The following ADAMTS3 variants were observed in gnomAD, a reference collection of about 807,000 sequenced individuals.
The protein encoded by ADAMTS3 is A disintegrin and metalloproteinase with thrombospondin motifs 3.
Under a neutral mutation model 129.0 loss-of-function variants are expected in ADAMTS3, and 73 were observed. That is an observed-to-expected ratio of 0.57 (90% CI 0.47 to 0.69). The LOEUF (loss-of-function observed/expected upper bound fraction) is 0.69. Ranked by LOEUF, ADAMTS3 falls within the 30% of genes least tolerant of loss-of-function variation. ADAMTS3 has a pLI of 0.00. For synonymous variants in ADAMTS3, 477 were observed against 510.8 expected, an observed-to-expected ratio of 0.93 and a Z score of 0.89; for missense variants, 1,457 against 1,514.5, an observed-to-expected ratio of 0.96 and a Z score of 0.63.
intron 9 of ADAMTS3, 103 bp downstream of exon 9, chr4:72,319,229 T>C: frequency 7.1e-7 from 1 of 1,399,844 alleles, no homozygotes; most frequent in Admixed American, 2.2e-5. Flanking sequence ...TCAGTAATAG[T>C]TTTCATTTAC....
intron 4 of ADAMTS3, among the ~76,000 whole-genome samples, chr4:72,397,629 G>A (rs1321608475): frequency 1.3e-5 from 2 of 151,844 alleles, no homozygotes; most frequent in Admixed American, 6.6e-5. Context: ...TTTGGCTGTC[G>A]TAAGACAGGA....
At chr4:72,518,257 G>C (rs574614110) in intron 3 of ADAMTS3, among the ~76,000 whole-genome samples, 35 of 152,102 alleles carry the variant, frequency 2.3e-4, no homozygotes, top group Non-Finnish European at 3.8e-4. Context: ...TTACTTCCAA[G>C]TATGTGGTCA....
intron 17 of ADAMTS3, among the ~76,000 whole-genome samples, chr4:72,299,061 G>GTC (rs1718886695): frequency 8.1e-6 from 1 of 124,222 alleles, no homozygotes; most frequent in South Asian, 2.3e-4. Context: ...TTCTGTGTGT[G>GTC]TGTGTGTGTG....
intron 3 of ADAMTS3, among the ~76,000 whole-genome samples, chr4:72,496,028 G>C (rs1278542580): frequency 6.6e-6 from 1 of 152,238 alleles, no homozygotes; most frequent in Non-Finnish European, 1.5e-5. Context: ...TATAATGGGA[G>C]AGCTTTTTTA....
At chr4:72,422,258 A>G (rs185147007) in intron 3 of ADAMTS3, among the ~76,000 whole-genome samples, 13 of 152,196 alleles carry the variant, frequency 8.5e-5, no homozygotes, top group Admixed American at 7.9e-4. Flanking sequence ...TTTAATTTTC[A>G]TCCTTAATCT....
intron 3 of ADAMTS3, among the ~76,000 whole-genome samples, chr4:72,437,469 A>G (rs1481669): frequency 0.65 from 98,936 of 151,568 alleles, 32,567 homozygotes; most frequent in South Asian, 0.8. Context: ...TATTTTGCCC[A>G]TGGATCTGTA....
At chr4:72,351,834 C>T (rs570571190) in intron 4 of ADAMTS3, among the ~76,000 whole-genome samples, 18 of 152,016 alleles carry the variant, frequency 1.2e-4, no homozygotes, top group Admixed American at 2.0e-4. Context: ...CACAAAATTA[C>T]AAGCTAGGGT....
chr4:72,477,408 C>G (rs1399865823), intron 3 of ADAMTS3, among the ~76,000 whole-genome samples: 2 of 152,140 alleles, frequency 1.3e-5, no homozygotes, highest in Non-Finnish European at 2.9e-5. Flanking sequence ...CGCTCAACTA[C>G]ATGGAAACTG....
At chr4:72,530,527 A>G (rs1363787100) in intron 3 of ADAMTS3, among the ~76,000 whole-genome samples, 1 of 69,216 alleles carries the variant, frequency 1.4e-5, no homozygotes, top group East Asian at 4.6e-4. Flanking sequence ...TAAATATATT[A>G]ATTTAATATA....
chr4:72,421,420 T>TTG (rs1479121703), intron 3 of ADAMTS3, among the ~76,000 whole-genome samples: 1 of 152,128 alleles, frequency 6.6e-6, no homozygotes. Flanking sequence ...AGTAGGTGCA[T>TTG]AACACTTGAG....
At chr4:72,520,422 T>G (rs1376962415) in intron 3 of ADAMTS3, among the ~76,000 whole-genome samples, 1 of 152,200 alleles carries the variant, frequency 6.6e-6, no homozygotes, top group East Asian at 1.9e-4. Context: ...TCTTTTTGTT[T>G]GTCTGTGCCC....
chr4:72,541,268 C>A (rs538419598), intron 3 of ADAMTS3, among the ~76,000 whole-genome samples: 2 of 152,298 alleles, frequency 1.3e-5, no homozygotes, highest in Non-Finnish European at 1.5e-5. Flanking sequence ...TGCATGGGCC[C>A]TGTAGCCCCT....
intron 3 of ADAMTS3, among the ~76,000 whole-genome samples, chr4:72,469,579 C>G (rs1237560770): frequency 6.6e-6 from 1 of 152,134 alleles, no homozygotes; most frequent in African/African-American, 2.4e-5. Context: ...GATCAGCATG[C>G]ACAGGTCTTT....
intron 11 of ADAMTS3, among the ~76,000 whole-genome samples, chr4:72,314,625 AT>A (rs1719340868): frequency 6.6e-6 from 1 of 152,206 alleles, no homozygotes; most frequent in Admixed American, 6.5e-5. Context: ...AGAAAGTTGA[AT>A]GTTAAAAAGT....
intron 3 of ADAMTS3, among the ~76,000 whole-genome samples, chr4:72,510,512 G>A (rs1212557667): frequency 6.6e-6 from 1 of 151,592 alleles, no homozygotes; most frequent in African/African-American, 2.4e-5. Context: ...AAAAAGTAAT[G>A]CCATTTACAA....
At chr4:72,546,661 T>C (rs970753711) in intron 3 of ADAMTS3, among the ~76,000 whole-genome samples, 4 of 152,144 alleles carry the variant, frequency 2.6e-5, no homozygotes, top group Non-Finnish European at 5.9e-5. Context: ...CTTTAGATTA[T>C]GAAACACATC....
At chr4:72,540,876 T>A (rs575210116) in intron 3 of ADAMTS3, among the ~76,000 whole-genome samples, 1 of 152,354 alleles carries the variant, frequency 6.6e-6, no homozygotes, top group African/African-American at 2.4e-5. Context: ...CAGGCAGAAG[T>A]TTGCTGCAGG....
At chr4:72,332,442 C>G (rs1230160382) in intron 5 of ADAMTS3, among the ~76,000 whole-genome samples, 1 of 152,096 alleles carries the variant, frequency 6.6e-6, no homozygotes, top group East Asian at 1.9e-4. Flanking sequence ...TCATAAGTAG[C>G]TAATTTCAAT....
At chr4:72,486,517 C>T (rs1171529617) in intron 3 of ADAMTS3, among the ~76,000 whole-genome samples, 2 of 152,102 alleles carry the variant, frequency 1.3e-5, no homozygotes, top group Non-Finnish European at 2.9e-5. Flanking sequence ...AAGCAAGAGC[C>T]CTCCGTCATT....
Sources: gnomAD v4.1 joint callset for allele counts (sites outside exome capture counted in the v4.1 genomes callset) on GRCh38, gnomAD v4.1.1 for gene constraint, MANE v1.5 for transcripts, NCBI Gene and HGNC (gene_info 2026-07-23, HGNC 2026-07-21) for gene names.